MAD1L1: variants seen among roughly 807,000 people sequenced by gnomAD.
MAD1L1 encodes the protein mitotic arrest deficient 1 like 1.
MAD1L1 carries 95 observed loss-of-function variants against 96.9 expected under a neutral mutation model. The observed-to-expected ratio is 0.98, with a 90% CI of 0.83 to 1.16. MAD1L1 has a LOEUF of 1.16. MAD1L1 is among the 50% of genes most tolerant of loss of function. MAD1L1 has a pLI of 0.00. For missense variants in MAD1L1, 1,007 were observed against 954.4 expected, an observed-to-expected ratio of 1.06 and a Z score of -0.73; for synonymous variants, 473 against 396.6, an observed-to-expected ratio of 1.19 and a Z score of -2.29.
chr7:2,037,539 G>C (rs989906086), intron 12 of MAD1L1, among the ~76,000 whole-genome samples: 2 of 152,220 alleles, frequency 1.3e-5, no homozygotes, highest in Non-Finnish European at 2.9e-5. Flanking sequence ...ATCTGTTGTG[G>C]TCTGTAATGG....
At chr7:1,839,749 C>T (rs575112701) in intron 18 of MAD1L1, among the ~76,000 whole-genome samples, 6 of 152,098 alleles carry the variant, frequency 3.9e-5, no homozygotes, top group Non-Finnish European at 7.4e-5. Flanking sequence ...CCCGCCTCCC[C>T]CCGGCTCCCA....
At chr7:2,176,297 G>A (rs115017963) in intron 10 of MAD1L1, among the ~76,000 whole-genome samples, 6,832 of 152,224 alleles carry the variant, frequency 0.045, 528 homozygotes, top group African/African-American at 0.15. Context: ...TCAGTGAACC[G>A]AGATTCCACC....
At chr7:2,075,279 C>T (rs1785322362) in intron 11 of MAD1L1, among the ~76,000 whole-genome samples, 1 of 152,216 alleles carries the variant, frequency 6.6e-6, no homozygotes. Flanking sequence ...ACAAGTGGTG[C>T]TGCCCACCCA....
intron 11 of MAD1L1, among the ~76,000 whole-genome samples, chr7:2,121,116 C>A (rs1474575550): frequency 1.3e-5 from 2 of 152,244 alleles, no homozygotes; most frequent in African/African-American, 4.8e-5. Context: ...AGGGCAGGCG[C>A]CCCGCCACAG....
intron 15 of MAD1L1, among the ~76,000 whole-genome samples, chr7:1,963,208 C>T (rs570910887): frequency 2.7e-3 from 413 of 152,276 alleles, no homozygotes; most frequent in Non-Finnish European, 4.2e-3. Flanking sequence ...CGCAAGGGAA[C>T]GTATAAACTG....
intron 10 of MAD1L1, among the ~76,000 whole-genome samples, chr7:2,209,615 A>C (rs1191269436): frequency 2.0e-5 from 3 of 152,204 alleles, no homozygotes; most frequent in South Asian, 2.1e-4. Flanking sequence ...GAGAGACCCA[A>C]GGGAAGCTGC....
chr7:1,993,277 G>A (rs1193442706), intron 14 of MAD1L1, among the ~76,000 whole-genome samples: 3 of 152,214 alleles, frequency 2.0e-5, no homozygotes, highest in Admixed American at 6.5e-5. Context: ...GCAGTGGGCA[G>A]GACCCACAGT....
At chr7:1,940,191 C>T (rs1046424704) in intron 16 of MAD1L1, 1 of 152,214 alleles carries the variant, frequency 6.6e-6, no homozygotes, top group Non-Finnish European at 1.5e-5. Context: ...CTGTGCTTCT[C>T]CTGGGAAGGA....
intron 18 of MAD1L1, among the ~76,000 whole-genome samples, chr7:1,853,500 A>G (rs1404790074): frequency 6.6e-6 from 1 of 152,154 alleles, no homozygotes; most frequent in East Asian, 1.9e-4. Context: ...GACGCTTAGC[A>G]CCAGTGTCCT....
At chr7:1,961,663 T>C (rs995847428) in intron 15 of MAD1L1, among the ~76,000 whole-genome samples, 1 of 152,264 alleles carries the variant, frequency 6.6e-6, no homozygotes, top group Non-Finnish European at 1.5e-5. Context: ...TTCTTAGCTA[T>C]GATACCTGAT....
chr7:2,011,462 C>T (rs1405567308), intron 13 of MAD1L1, among the ~76,000 whole-genome samples: 1 of 152,180 alleles, frequency 6.6e-6, no homozygotes, highest in African/African-American at 2.4e-5. Context: ...AGGTGGGGAG[C>T]CCCCAGCAGA....
At chr7:1,921,148 C>T (rs937367653) in intron 17 of MAD1L1, among the ~76,000 whole-genome samples, 5 of 152,156 alleles carry the variant, frequency 3.3e-5, no homozygotes, top group Admixed American at 2.0e-4. Context: ...CGGCACGCTG[C>T]GGGTCTGAGA....
chr7:1,969,036 C>A (rs979497746), intron 15 of MAD1L1, among the ~76,000 whole-genome samples: 2 of 152,308 alleles, frequency 1.3e-5, no homozygotes, highest in Middle Eastern at 3.4e-3. Flanking sequence ...CGTCCAATTT[C>A]CGCAACTTGC....
At chr7:2,044,478 G>A (rs1182671584) in intron 12 of MAD1L1, among the ~76,000 whole-genome samples, 1 of 152,238 alleles carries the variant, frequency 6.6e-6, no homozygotes, top group Non-Finnish European at 1.5e-5. Flanking sequence ...ACTGGGAACA[G>A]TGCTTTAGAA....
chr7:2,009,435 A>T (rs1169435675), intron 13 of MAD1L1, among the ~76,000 whole-genome samples: 1 of 152,182 alleles, frequency 6.6e-6, no homozygotes, highest in Non-Finnish European at 1.5e-5. Flanking sequence ...TCACGTGGAA[A>T]AGGATGGGAC....
intron 16 of MAD1L1, among the ~76,000 whole-genome samples, chr7:1,942,569 T>C (rs146268277): frequency 1.3e-3 from 196 of 152,076 alleles, no homozygotes; most frequent in African/African-American, 4.5e-3. Flanking sequence ...ACAGCACCAC[T>C]CCTGCACCCA....
At chr7:1,897,580 T>G (rs997952728) in intron 18 of MAD1L1, among the ~76,000 whole-genome samples, 1 of 152,130 alleles carries the variant, frequency 6.6e-6, no homozygotes, top group Non-Finnish European at 1.5e-5. Context: ...ACCCTGAGGG[T>G]CAACACATAA....
intron 18 of MAD1L1, among the ~76,000 whole-genome samples, chr7:1,837,675 T>C (rs4721096): frequency 0.84 from 127,203 of 152,240 alleles, 53,660 homozygotes; most frequent in African/African-American, 0.95. Context: ...AGCAGCCAGA[T>C]GAGAAAGGCT....
At chr7:1,870,772 A>T (rs1328551413) in intron 18 of MAD1L1, among the ~76,000 whole-genome samples, 3 of 130,348 alleles carry the variant, frequency 2.3e-5, no homozygotes, top group Non-Finnish European at 4.8e-5. Context: ...CGCTGAACCG[A>T]CCATAACACC....
Sources: allele counts gnomAD v4.1 joint callset (sites outside exome capture counted in the v4.1 genomes callset), GRCh38; gene constraint gnomAD v4.1.1; transcripts MANE v1.5; gene names NCBI Gene and HGNC (gene_info 2026-07-23, HGNC 2026-07-21).